Variants in ARHGAP25 observed in about 807,000 individuals in gnomAD.
ARHGAP25 encodes Rho GTPase activating protein 25, also known as rho GTPase-activating protein 25.
ARHGAP25 carries 34 observed loss-of-function variants against 71.0 expected under a neutral mutation model. The observed-to-expected ratio is 0.48, with a 90% CI of 0.36 to 0.64. The LOEUF is 0.64. Among genes scored for constraint, ARHGAP25 ranks in the 30% least tolerant of loss-of-function variants. The probability of loss-of-function intolerance (pLI) is 0.00; values close to 1 mark genes in which losing one functional copy is unlikely to be tolerated. For missense variants in ARHGAP25, 706 were observed against 805.1 expected, an observed-to-expected ratio of 0.88 and a Z score of 1.49; for synonymous variants, 282 against 296.5, an observed-to-expected ratio of 0.95 and a Z score of 0.50.
At chr2:68,732,288 C>A (rs555714844), upstream of ARHGAP25, among the ~76,000 whole-genome samples, 49 of 152,310 alleles carry the variant, frequency 3.2e-4, no homozygotes, top group South Asian at 8.3e-4. Flanking sequence ...TTTTCCAAGA[C>A]TGACAGGAAC....
intron 2 of ARHGAP25, among the ~76,000 whole-genome samples, chr2:68,776,240 G>A (rs1182756582): frequency 6.6e-6 from 1 of 152,238 alleles, no homozygotes; most frequent in Non-Finnish European, 1.5e-5. Flanking sequence ...TGAGAAGCAA[G>A]AGGGTAGTCA....
chr2:68,712,955 T>G (rs1674522707), intron 2 of ARHGAP25, among the ~76,000 whole-genome samples: 1 of 152,210 alleles, frequency 6.6e-6, no homozygotes, highest in Non-Finnish European at 1.5e-5. Flanking sequence ...TGCCTCCAGC[T>G]TTGTTCTTTT....
intron 1 of ARHGAP25, among the ~76,000 whole-genome samples, chr2:68,735,694 G>A (rs1675177825): frequency 6.6e-6 from 1 of 152,142 alleles, no homozygotes; most frequent in Admixed American, 6.5e-5. Flanking sequence ...AGGAGTCAAG[G>A]TGTATTAAAA....
At chr2:68,805,416 TC>T (rs1156519446) in intron 4 of ARHGAP25, among the ~76,000 whole-genome samples, 5 of 152,016 alleles carry the variant, frequency 3.3e-5, no homozygotes, top group African/African-American at 1.2e-4. Flanking sequence ...GGCCACCTAT[TC>T]AGCTCCTTCT....
At chr2:68,817,531 T>C (rs935562357) in intron 7 of ARHGAP25, among the ~76,000 whole-genome samples, 3 of 152,180 alleles carry the variant, frequency 2.0e-5, no homozygotes, top group Non-Finnish European at 4.4e-5. Flanking sequence ...AGCTGGGAGA[T>C]AAGCCTATCA....
At chr2:68,759,410 A>G (rs1182800517) in intron 1 of ARHGAP25, among the ~76,000 whole-genome samples, 1 of 151,864 alleles carries the variant, frequency 6.6e-6, no homozygotes, top group Non-Finnish European at 1.5e-5. Context: ...ATTACCACCT[A>G]TTCTACAGAA....
At chr2:68,744,433 A>G (rs75986568) in intron 1 of ARHGAP25, among the ~76,000 whole-genome samples, 13,921 of 152,154 alleles carry the variant, frequency 0.091, 746 homozygotes, top group East Asian at 0.25. Context: ...GACACCTACT[A>G]TGTGCTGGAC....
intron 3 of ARHGAP25, 54 bp downstream of exon 3, chr2:68,782,374 T>A: frequency 6.6e-7 from 1 of 1,525,144 alleles, no homozygotes; most frequent in Non-Finnish European, 9.1e-7. Context: ...ATTCCCATTT[T>A]ACTTCTGGAC....
At chr2:68,775,445 T>C in intron 2 of ARHGAP25, 25 bp downstream of exon 2, 3 of 1,613,898 alleles carry the variant, frequency 1.9e-6, no homozygotes, top group Non-Finnish European at 8.5e-7. Flanking sequence ...GTTTGTCCCG[T>C]TCATAAGGCA....
rs141977542 is a variant in ARHGAP25 at position 68,822,676 on chromosome 2, C to T, written c.1537C>T (p.Pro513Ser). Residue 513 changes from proline (P) to serine (S), a missense_variant, in exon 10 of 11, where the codon CCT becomes TCT. Transcript: ENST00000409202. ...TAACGTCCCTTCCCTGCCAGGGTCC[C>T]CTGGGGAGGAAGCCAGTGCACTCTC... ...YDNVPSLPGS[P>S]GEEASALSSQ... 1.6e-3 allele frequency: 2,618 copies of T among 1,614,146 alleles called. 2 individuals carry two copies. The highest frequency in any genetic ancestry group is 2.0e-3 in the Non-Finnish European group (2,338 of 1,180,032).
At chr2:68,798,844 G>A (rs756860401) in intron 4 of ARHGAP25, among the ~76,000 whole-genome samples, 1 of 152,178 alleles carries the variant, frequency 6.6e-6, no homozygotes, top group Non-Finnish European at 1.5e-5. Context: ...TCTGGAGTGA[G>A]GGGAGGGTAA....
At chr2:68,789,877 T>C (rs1679041466) in intron 4 of ARHGAP25, among the ~76,000 whole-genome samples, 1 of 151,916 alleles carries the variant, frequency 6.6e-6, no homozygotes, top group Non-Finnish European at 1.5e-5. Context: ...GAGAAGCAAG[T>C]CAAGCATGAG....
intron 4 of ARHGAP25, among the ~76,000 whole-genome samples, chr2:68,802,407 CAAA>C (rs10688959): frequency 3.7e-5 from 3 of 82,144 alleles, no homozygotes; most frequent in Non-Finnish European, 4.4e-5. Context: ...GACTCCATCT[CAAA>C]AAAAAAAAAA....
rs538194241 is a variant in ARHGAP25, at chr2:68,784,218, A to G, written c.349+1898A>G. Among the ~76,000 whole-genome samples, 243 of 151,978 alleles carry G rather than the reference A, an allele frequency of 1.6e-3. 1 individual carries two copies. Among genetic ancestry groups the G allele is most frequent in the African/African-American group, 5.6e-3 (230 of 41,438 alleles). ...CACACACACACACACACCACATCTC[A>G]TAAGGACAAATAATACTAAAGTAAT... On this transcript the variant is annotated intron_variant, in intron 3 of 10. Coordinates refer to ENST00000409202, the MANE Select transcript of ARHGAP25 (RefSeq NM_001007231.3).
rs1573474854 is a variant in ARHGAP25, at chr2:68,767,395, TG to T, written c.62-7820del. 6.6e-6 allele frequency among the ~76,000 whole-genome samples: 1 copy of T among 150,872 alleles called. No homozygotes were observed. Among genetic ancestry groups the T allele is most frequent in the South Asian group, 2.1e-4 (1 of 4,748 alleles). On this transcript the variant is annotated intron_variant, in intron 1 of 10. Coordinates refer to ENST00000409202, the MANE Select transcript of ARHGAP25 (RefSeq NM_001007231.3). The surrounding 1 kb of genome is among the most constrained non-coding windows in gnomAD (Gnocchi z 4.6). ...TCCCGCAGTCTGATAACAGGATAGG[TG>T]GGGGGTCTGCATGTATGTATGTGTG...
At chr2:68,770,340 AC>A (rs1437242075) in intron 1 of ARHGAP25, among the ~76,000 whole-genome samples, 4 of 152,216 alleles carry the variant, frequency 2.6e-5, no homozygotes, top group Non-Finnish European at 5.9e-5. Flanking sequence ...ATCCATTTAA[AC>A]ATGGTTCCCA....
At chr2:68,752,926 A>G (rs550876338) in intron 1 of ARHGAP25, among the ~76,000 whole-genome samples, 1 of 152,296 alleles carries the variant, frequency 6.6e-6, no homozygotes, top group South Asian at 2.1e-4. Context: ...TCTCATCACT[A>G]TTTTGATCCA....
At chr2:68,800,474 G>A (rs1679885645) in intron 4 of ARHGAP25, among the ~76,000 whole-genome samples, 2 of 152,090 alleles carry the variant, frequency 1.3e-5, no homozygotes, top group Admixed American at 6.5e-5. Context: ...ACCCTTCTGT[G>A]GTTGTTCAGG....
chr2:68,812,249 C>T (rs1463480329), intron 5 of ARHGAP25, among the ~76,000 whole-genome samples: 1 of 101,722 alleles, frequency 9.8e-6, no homozygotes, highest in Non-Finnish European at 2.0e-5. Context: ...TACATCACGA[C>T]ACACTCTTCT....
Sources: gnomAD v4.1 joint callset for allele counts (sites outside exome capture counted in the v4.1 genomes callset) on GRCh38, gnomAD v4.1.1 for gene constraint, Gnocchi (gnomAD v3.1) non-coding constraint, MANE v1.5 for transcripts, NCBI Gene and HGNC (gene_info 2026-07-23, HGNC 2026-07-21) for gene names.